Variants in HEXD observed in about 807,000 individuals in gnomAD.
The protein encoded by HEXD is N-acetyl-beta-galactosaminidase.
HEXD carries 47 observed loss-of-function variants against 54.2 expected under a neutral mutation model. The ratio of observed to expected loss-of-function variants is 0.87; its 90% CI spans 0.69 to 1.11. The LOEUF is 1.11. Ranked by LOEUF, HEXD falls within the 50% of genes least tolerant of loss-of-function variation. The probability of loss-of-function intolerance (pLI) is 0.00; values close to 1 mark genes in which losing one functional copy is unlikely to be tolerated. For missense variants in HEXD, 576 were observed against 649.2 expected (o/e 0.89, Z 1.23); for synonymous variants, 293 against 287.6 (o/e 1.02, Z -0.19).
At chr17:82,436,027 GCCTGAGTCGTTTC>G in intron 6 of HEXD, among the ~76,000 whole-genome samples, 155 bp downstream of exon 6, 1 of 152,384 alleles carries the variant, frequency 6.6e-6, no homozygotes, top group African/African-American at 2.4e-5. Context: ...TTGACGCCAG[GCCTGAGTCGTTTC>G]CCTAGAAGCT....
At chr17:82,435,570 T>G in intron 5 of HEXD, 119 bp from the exon 6 acceptor site, 1 of 996,838 alleles carries the variant, frequency 1.0e-6, no homozygotes, top group African/African-American at 1.6e-5. Flanking sequence ...TCCGAGCCCC[T>G]CCCTGGCCTC....
intron 4 of HEXD, among the ~76,000 whole-genome samples, chr17:82,431,950 T>C (rs1021919026): frequency 6.6e-6 from 1 of 152,250 alleles, no homozygotes; most frequent in African/African-American, 2.4e-5. Context: ...TTCTAGCAAA[T>C]GGCCTGCATT....
Position 82,419,813 on chromosome 17 carries a change from C to T in HEXD, c.14C>T (p.Thr5Ile), listed in dbSNP as rs1056631895. The change falls in exon 2 of 13, where the codon ACT becomes ATT. Residue 5 changes from threonine (T) to isoleucine (I), a missense_variant. Thr to Ile is a moderately conservative substitution (Grantham distance 89). Transcript: ENST00000327949. ...GGAAATATTGAAATGTCAGGTTCCA[C>T]TCCATTTCAGATGAGATTAGTTCAT... is the stretch of plus-strand genomic sequence containing the variant. MSGS[T>I]PFQMRLVHLD... 9 of 1,607,520 alleles carry T rather than the reference C, an allele frequency of 5.6e-6. No individual in the cohort carries two copies. Among genetic ancestry groups the T allele is most frequent in the Admixed American group, 1.7e-5 (1 of 59,928 alleles).
At chr17:82,424,973 A>G (rs2053357529) in intron 3 of HEXD, among the ~76,000 whole-genome samples, 1 of 151,258 alleles carries the variant, frequency 6.6e-6, no homozygotes, top group Non-Finnish European at 1.5e-5. Flanking sequence ...AGGTTAGAGA[A>G]GGCCAGAGAA....
intron 2 of HEXD, 45 bp downstream of exon 2, chr17:82,419,928 C>A: frequency 7.6e-7 from 1 of 1,319,898 alleles, no homozygotes. Flanking sequence ...TTTGCCTTGG[C>A]TTCATTCTTT....
chr17:82,435,294 G>A (rs1219420330), intron 5 of HEXD, among the ~76,000 whole-genome samples: 2 of 151,852 alleles, frequency 1.3e-5, no homozygotes, highest in Non-Finnish European at 2.9e-5. Context: ...GCCCGTCTGG[G>A]CATTCCACGG....
intron 4 of HEXD, among the ~76,000 whole-genome samples, chr17:82,429,954 G>A (rs2053529632): frequency 6.6e-6 from 1 of 151,998 alleles, no homozygotes; most frequent in African/African-American, 2.4e-5. Flanking sequence ...TCCATTGAGG[G>A]CCCTCCTCCA....
chr17:82,421,047 G>A (rs1384897959), intron 2 of HEXD, among the ~76,000 whole-genome samples: 6 of 151,768 alleles, frequency 4.0e-5, no homozygotes, highest in Non-Finnish European at 7.4e-5. Flanking sequence ...AGGAAAGAGG[G>A]AAACTCCAAC....
In HEXD at chr17:82,423,851, G is replaced by A. The variant is rs567403174; in HGVS notation, c.85-543G>A. 2.4e-4 allele frequency among the ~76,000 whole-genome samples: 36 copies of A among 152,036 alleles called. No individual in the cohort carries two copies. The South Asian group carries it at 7.3e-3, about 31-fold the overall frequency. On this transcript the variant is annotated intron_variant, in intron 2 of 12. Coordinates refer to ENST00000327949, the MANE Select transcript of HEXD (RefSeq NM_001330542.2). Reference sequence around the variant, plus strand: ...AAAGAGAGAAAGACAAGGAAGTGGGGAGGAGAATAAGGGGGAAGGGACCCC... The same window carrying A: ...AAAGAGAGAAAGACAAGGAAGTGGGAAGGAGAATAAGGGGGAAGGGACCCC...
chr17:82,428,411 C>G (rs765950782), intron 3 of HEXD, 147 bp from the exon 4 acceptor site: 9 of 599,018 alleles, frequency 1.5e-5, no homozygotes, highest in Middle Eastern at 4.7e-4. Flanking sequence ...TTCCAGAAAT[C>G]AGGATACCTG....
intron 9 of HEXD, chr17:82,440,476 C>T: frequency 2.0e-6 from 1 of 491,296 alleles, no homozygotes; most frequent in South Asian, 2.2e-5. Context: ...TTTGCAGTGT[C>T]CCTTGCCCAC....
At chr17:82,439,765 C>T (rs747553027) in intron 9 of HEXD, 52 bp downstream of exon 9, 16 of 1,597,948 alleles carry the variant, frequency 1.0e-5, no homozygotes, top group African/African-American at 6.7e-5. Context: ...CCGAAAGACC[C>T]GGAGGGCAGG....
chr17:82,441,252 G>A lies in HEXD; in HGVS notation c.1149G>A (p.Leu383=), dbSNP rs1320124832. ...SLHLRSSVDA[L]LEGNRYVTGW... ...ATCTGCGCAGCTCTGTGGATGCGCTGCTGGAGGGCAACAGGTGAGCGTGTG... is the reference window on the plus strand; with the variant it reads ...ATCTGCGCAGCTCTGTGGATGCGCTACTGGAGGGCAACAGGTGAGCGTGTG... Residue 383 remains leucine, a synonymous_variant, in exon 11 of 13, where the codon CTG becomes CTA. Coordinates refer to ENST00000327949, the MANE Select transcript of HEXD (RefSeq NM_001330542.2). The A allele has an allele frequency of 1.2e-6, 2 of 1,612,080 alleles. No individual in the cohort carries two copies. The highest frequency in any genetic ancestry group is 1.7e-6 in the Non-Finnish European group (2 of 1,179,696).
intron 4 of HEXD, among the ~76,000 whole-genome samples, chr17:82,430,252 G>A (rs1164566162): frequency 2.6e-5 from 4 of 152,216 alleles, no homozygotes; most frequent in Non-Finnish European, 5.9e-5. Context: ...AGAAGTGATC[G>A]CCACAAACCA....
At chr17:82,438,772 G>C (rs1018020122) in intron 8 of HEXD, among the ~76,000 whole-genome samples, 3 of 152,270 alleles carry the variant, frequency 2.0e-5, no homozygotes, top group African/African-American at 7.2e-5. Flanking sequence ...GCCTGCTAGA[G>C]GGGCAGCTCA....
chr17:82,440,461 C>T (rs988184587), intron 9 of HEXD: 12 of 577,968 alleles, frequency 2.1e-5, no homozygotes, highest in South Asian at 6.0e-5. Flanking sequence ...TTAATATTGA[C>T]GGTATTTGCA....
chr17:82,422,408 A>T (rs1345010002), intron 2 of HEXD, among the ~76,000 whole-genome samples: 1 of 151,670 alleles, frequency 6.6e-6, no homozygotes, highest in Non-Finnish European at 1.5e-5. Context: ...GAGGCATGAG[A>T]ATCACCTGAA....
At chr17:82,428,432 T>G in intron 3 of HEXD, 126 bp from the exon 4 acceptor site, 3 of 695,924 alleles carry the variant, frequency 4.3e-6, no homozygotes, top group Non-Finnish European at 7.4e-6. Flanking sequence ...TCAAGCTTTG[T>G]GGAGTTTAGG....
intron 4 of HEXD, 67 bp downstream of exon 4, chr17:82,428,712 G>A (rs2053492455): frequency 8.5e-6 from 12 of 1,409,126 alleles, no homozygotes; most frequent in African/African-American, 2.8e-5. Context: ...GCTGGGCCAG[G>A]CTTGTGCCCA....
Sources: gnomAD v4.1 joint callset for allele counts (sites outside exome capture counted in the v4.1 genomes callset) on GRCh38, gnomAD v4.1.1 for gene constraint, MANE v1.5 for transcripts, NCBI Gene and HGNC (gene_info 2026-07-23, HGNC 2026-07-21) for gene names.